The following WDFY4 variants were observed in gnomAD, a reference collection of about 807,000 sequenced individuals.
WDFY4 encodes WDFY family member 4, also known as WD repeat- and FYVE domain-containing protein 4.
WDFY4 carries 169 observed loss-of-function variants against 351.9 expected under a neutral mutation model. The ratio of observed to expected loss-of-function variants is 0.48; its 90% confidence interval spans 0.42 to 0.55. The LOEUF is 0.55. Among genes scored for constraint, WDFY4 ranks in the 20% least tolerant of loss-of-function variants. The probability of loss-of-function intolerance (pLI) is 0.00; values close to 1 mark genes in which losing one functional copy is unlikely to be tolerated. For missense variants in WDFY4, 3,803 were observed against 3,935.6 expected, an observed-to-expected ratio of 0.97 and a Z score of 0.90; for synonymous variants, 1,622 against 1,574.6, an observed-to-expected ratio of 1.03 and a Z score of -0.71.
chr10:48,888,213 G>A (rs2070545017), intron 43 of WDFY4, among the ~76,000 whole-genome samples: 1 of 151,972 alleles, frequency 6.6e-6, no homozygotes, highest in South Asian at 2.1e-4. Context: ...TCCCAAAGTA[G>A]ACATTTATCA....
At chr10:48,965,430 G>A (rs899299074) in intron 54 of WDFY4, among the ~76,000 whole-genome samples, 5 of 152,202 alleles carry the variant, frequency 3.3e-5, no homozygotes, top group African/African-American at 1.2e-4. Flanking sequence ...GAACAAAGAA[G>A]AGTGCTCATT....
At chr10:48,687,843 G>A (rs1158600914) in intron 1 of WDFY4, among the ~76,000 whole-genome samples, 2 of 147,870 alleles carry the variant, frequency 1.4e-5, no homozygotes, top group African/African-American at 5.0e-5. Context: ...GTGCGGTGGT[G>A]CGATCTCAGC....
chr10:48,899,377 G>A (rs1040521133), intron 45 of WDFY4, among the ~76,000 whole-genome samples: 10 of 152,230 alleles, frequency 6.6e-5, no homozygotes, highest in Non-Finnish European at 1.3e-4. Context: ...CTCTGCTCAG[G>A]AGAGTTAATG....
At chr10:48,919,170 A>G (rs955879273) in intron 47 of WDFY4, among the ~76,000 whole-genome samples, 3 of 152,068 alleles carry the variant, frequency 2.0e-5, no homozygotes, top group African/African-American at 7.3e-5. Flanking sequence ...AGCCAGACTG[A>G]CAATTTAAAA....
Position 48,701,652 on chromosome 10 carries a change from G to A in WDFY4, c.-17-8064G>A, listed in dbSNP as rs190210541. Reference sequence around the variant, plus strand: ...AGCCTTGACCTGTCCCCAGCTGGTGGCATCTTGAGGAAAGAGGAAGTGTGG... The same window carrying A: ...AGCCTTGACCTGTCCCCAGCTGGTGACATCTTGAGGAAAGAGGAAGTGTGG... On this transcript the variant is annotated intron_variant, in intron 1 of 61. Coordinates refer to ENST00000325239, the MANE Select transcript of WDFY4 (RefSeq NM_001394531.1). Among the ~76,000 whole-genome samples the A allele has an allele frequency of 2.0e-5, 3 of 152,308 alleles. No individual in the cohort carries two copies. The East Asian group carries it at 5.8e-4, about 29-fold the overall frequency.
chr10:48,707,709 G>A (rs147134128), intron 1 of WDFY4, among the ~76,000 whole-genome samples: 49 of 152,330 alleles, frequency 3.2e-4, no homozygotes, highest in Non-Finnish European at 6.5e-4. Context: ...GTATGTGGAT[G>A]GAAATCAGGT....
chr10:48,754,995 T>C (rs2065292099), intron 12 of WDFY4, among the ~76,000 whole-genome samples: 1 of 152,196 alleles, frequency 6.6e-6, no homozygotes. Context: ...TGGGTTTTAA[T>C]TCATGTGTAG....
At chr10:48,892,611 T>C (rs1009350443) in intron 44 of WDFY4, among the ~76,000 whole-genome samples, 1 of 152,154 alleles carries the variant, frequency 6.6e-6, no homozygotes, top group African/African-American at 2.4e-5. Context: ...TCATTCCAGA[T>C]CAATGGGGAT....
At chr10:48,804,153 G>C (rs1173542072) in intron 25 of WDFY4, among the ~76,000 whole-genome samples, 1 of 152,220 alleles carries the variant, frequency 6.6e-6, no homozygotes, top group Non-Finnish European at 1.5e-5. Flanking sequence ...TTCAGAATAA[G>C]AGAGAAGGAA....
intron 13 of WDFY4, among the ~76,000 whole-genome samples, chr10:48,772,942 A>G (rs992305933): frequency 2.0e-5 from 3 of 151,028 alleles, no homozygotes; most frequent in Admixed American, 6.6e-5. Context: ...AATCCAGTCT[A>G]TCATTGTTGG....
At chr10:48,758,082 C>T (rs1312002858) in intron 12 of WDFY4, among the ~76,000 whole-genome samples, 1 of 152,080 alleles carries the variant, frequency 6.6e-6, no homozygotes, top group Non-Finnish European at 1.5e-5. Context: ...TTATTATTTT[C>T]CTACCATCTG....
intron 38 of WDFY4, among the ~76,000 whole-genome samples, 153 bp downstream of exon 38, chr10:48,831,038 T>G (rs1242522197): frequency 1.3e-5 from 2 of 152,216 alleles, no homozygotes; most frequent in African/African-American, 4.8e-5. Context: ...AAATCTTATG[T>G]ATCTTTCCTC....
At chr10:48,744,055 C>A (rs929281325) in intron 12 of WDFY4, among the ~76,000 whole-genome samples, 3 of 152,196 alleles carry the variant, frequency 2.0e-5, no homozygotes, top group Middle Eastern at 3.2e-3. Context: ...GACAATTGCT[C>A]TCCTTACTTC....
rs1233901004 is a variant in WDFY4, at chr10:48,723,480, A to G, written c.504A>G (p.Leu168=). ...VAESGLPALL[L]QCLYLFFVFP... is the part of the protein sequence containing the mutation. The stretch of plus-strand genomic sequence containing the variant: ...AGTCTGGGCTTCCAGCCCTGCTCCT[A>G]CAGTGCCTTTACCTCTTCTTTGTCT... Residue 168 remains leucine (L), a synonymous_variant, in exon 5 of 62, where the codon CTA becomes CTG. Transcript: ENST00000325239. The G allele has an allele frequency of 7.7e-6, 12 of 1,550,950 alleles. No homozygotes were observed. The highest frequency in any genetic ancestry group is 1.0e-5 in the Non-Finnish European group (12 of 1,146,996).
chr10:48,711,295 A>T (rs1049050857), intron 2 of WDFY4, among the ~76,000 whole-genome samples: 7 of 152,154 alleles, frequency 4.6e-5, no homozygotes, highest in African/African-American at 1.7e-4. Context: ...CATTCATCTC[A>T]TTTCACAGAC....
At position 48,974,913 on chromosome 10, in the gene WDFY4, T is replaced by G. The variant is rs1327050525; in HGVS notation, c.8980T>G (p.Phe2994Val). The G allele has an allele frequency of 6.4e-7, 1 of 1,551,560 alleles. No homozygotes were observed. Among genetic ancestry groups the G allele is most frequent in the South Asian group, 1.2e-5 (1 of 84,054 alleles). The part of the protein sequence containing the change: ...AVTCLAASVT[F>V]SLLVSGSQDC... Reference sequence around the variant, plus strand: ...CACGTGCCTGGCAGCGTCAGTCACCTTCAGCCTCCTGGTGAGCGGCTCCCA... The same window carrying G: ...CACGTGCCTGGCAGCGTCAGTCACCGTCAGCCTCCTGGTGAGCGGCTCCCA... Residue 2994 changes from phenylalanine to valine, a missense_variant, in exon 58 of 62, where the codon TTC becomes GTC. Transcript: ENST00000325239.
At chr10:48,789,543 C>T (rs1481999564) in intron 21 of WDFY4, among the ~76,000 whole-genome samples, 2 of 152,194 alleles carry the variant, frequency 1.3e-5, no homozygotes, top group African/African-American at 4.8e-5. Flanking sequence ...GCAGCCCTCA[C>T]CTTGGTAGCG....
intron 1 of WDFY4, among the ~76,000 whole-genome samples, chr10:48,702,655 TG>T (rs2063512447): frequency 6.6e-6 from 1 of 152,254 alleles, no homozygotes. Flanking sequence ...GGGGCATTTA[TG>T]TTTTTTCCAG....
Position 48,760,423 on chromosome 10 carries a change from C to T in WDFY4, c.2536C>T (p.His846Tyr), listed in dbSNP as rs1269386727. 3 of 1,551,542 alleles carry T rather than the reference C, an allele frequency of 1.9e-6. No individual in the cohort carries two copies. The highest frequency in any genetic ancestry group is 2.6e-6 in the Non-Finnish European group (3 of 1,146,998). The change falls in exon 13 of 62, where the codon CAT (histidine) becomes TAT (tyrosine). Residue 846 changes from histidine to tyrosine, a missense_variant. Physicochemically the swap from His to Tyr is moderately conservative, Grantham distance 83. Around this residue, in one of 3 missense-constraint regions of WDFY4, gnomAD observed 3,054 missense variants for 3,148.6 expected, o/e 0.97. Transcript: ENST00000325239. ...GGTGAGGCTGCTGCCTCGGTTGTAC[C>T]ATGAAGATCACCCACAGGTACCTGG... The part of the protein sequence containing the change: ...IMVRLLPRLY[H>Y]EDHPQLSEEI...
Sources: allele counts gnomAD v4.1 joint callset (sites outside exome capture counted in the v4.1 genomes callset), GRCh38; gene constraint gnomAD v4.1.1; regional missense constraint gnomAD v4.1.1; transcripts MANE v1.5; gene names NCBI Gene and HGNC (gene_info 2026-07-23, HGNC 2026-07-21).